Variants in CPNE5 observed in about 807,000 individuals in gnomAD.
CPNE5 encodes copine 5, also known as copine-5.
A neutral mutation model predicts 81.1 loss-of-function variants in CPNE5; 42 were observed. The ratio of observed to expected loss-of-function variants is 0.52; its 90% CI spans 0.40 to 0.67. The LOEUF is 0.67. CPNE5 is among the 30% of genes least tolerant of loss of function. The pLI, the probability that CPNE5 is intolerant of heterozygous loss-of-function variation, is 0.00. For missense variants in CPNE5, 612 were observed against 815.5 expected (o/e 0.75, Z 3.04); for synonymous variants, 313 against 321.5 (o/e 0.97, Z 0.28).
chr6:36,822,535 T>C (rs952202527), intron 2 of CPNE5, among the ~76,000 whole-genome samples: 6 of 152,030 alleles, frequency 3.9e-5, no homozygotes, highest in African/African-American at 1.5e-4. Flanking sequence ...CGGGTGGGTG[T>C]GATGGACGAC....
At chr6:36,794,145 T>C (rs1038048810) in intron 7 of CPNE5, among the ~76,000 whole-genome samples, 4 of 131,072 alleles carry the variant, frequency 3.1e-5, no homozygotes, top group African/African-American at 1.2e-4. Flanking sequence ...GAGGCGGACA[T>C]CCAGCAGCCA....
intron 14 of CPNE5, among the ~76,000 whole-genome samples, chr6:36,749,809 G>A (rs921350874): frequency 6.6e-6 from 1 of 152,200 alleles, no homozygotes; most frequent in African/African-American, 2.4e-5. Flanking sequence ...CTCCACATTT[G>A]CATGTGTTTG....
intron 1 of CPNE5, among the ~76,000 whole-genome samples, chr6:36,836,610 C>T (rs899183284): frequency 1.2e-4 from 18 of 152,230 alleles, no homozygotes; most frequent in Admixed American, 1.3e-4. Flanking sequence ...CTCCCCAGAG[C>T]CTCCTCTCCT....
intron 3 of CPNE5, among the ~76,000 whole-genome samples, chr6:36,807,269 G>A (rs1770679712): frequency 6.6e-6 from 1 of 152,158 alleles, no homozygotes. Context: ...CAGGCCTCTG[G>A]GTTCAAATTT....
chr6:36,792,325 C>A (rs1769174840), intron 7 of CPNE5: 1 of 1,525,134 alleles, frequency 6.6e-7, no homozygotes. Flanking sequence ...ACCCCCTGCT[C>A]CCCGAGAGCC....
intron 10 of CPNE5, among the ~76,000 whole-genome samples, chr6:36,771,757 T>C (rs1183224475): frequency 1.3e-5 from 2 of 151,022 alleles, no homozygotes; most frequent in Non-Finnish European, 3.0e-5. Context: ...GGCCCTCCCC[T>C]GCCTACCCTG....
At chr6:36,798,409 A>G (rs1179499598) in intron 5 of CPNE5, 46 bp downstream of exon 5, 8 of 1,600,062 alleles carry the variant, frequency 5.0e-6, no homozygotes, top group African/African-American at 2.7e-5. Flanking sequence ...AGAGGATGGC[A>G]TTTCAGAAAC....
intron 14 of CPNE5, 111 bp downstream of exon 14, chr6:36,752,923 C>T: frequency 1.2e-6 from 1 of 848,250 alleles, no homozygotes; most frequent in South Asian, 1.5e-5. Flanking sequence ...GCACCACAGC[C>T]TTCAACCAGG....
At chr6:36,834,481 C>A (rs867435019) in intron 1 of CPNE5, among the ~76,000 whole-genome samples, 6 of 151,754 alleles carry the variant, frequency 4.0e-5, no homozygotes, top group Admixed American at 1.3e-4. Flanking sequence ...CATGGTGAAA[C>A]CCCGTCTCCA....
intron 12 of CPNE5, among the ~76,000 whole-genome samples, chr6:36,758,209 G>A (rs1311561253): frequency 6.6e-6 from 1 of 152,208 alleles, no homozygotes; most frequent in Non-Finnish European, 1.5e-5. Flanking sequence ...GGAAAGGTAT[G>A]AGGATTAAAT....
intron 16 of CPNE5, 74 bp from the exon 17 acceptor site, chr6:36,745,589 C>T: frequency 6.7e-7 from 1 of 1,500,592 alleles, no homozygotes; most frequent in South Asian, 1.3e-5. Flanking sequence ...GAACTGAGTC[C>T]AGGTGGGGAG....
In CPNE5 at chr6:36,823,048, C is replaced by T; in HGVS notation, c.136+10G>A. 1 of 1,569,880 alleles carries T rather than the reference C, an allele frequency of 6.4e-7. No homozygotes were observed. Among genetic ancestry groups the T allele is most frequent in the Non-Finnish European group, 8.7e-7 (1 of 1,155,960 alleles). ...ATTGTTACCGTTCTTATTGTCAGAG[C>T]AGGACTTACGTGGGTCGGACTTGGA... On this transcript the variant is annotated intron_variant, in intron 2 of 20. Transcript: ENST00000244751.
rs574898391 is a variant in CPNE5 at position 36,811,935 on chromosome 6, C to G, written c.183+10179G>C. ...CCTGGCCAACATGGTGAAACCCCAT[C>G]TCTACGAAAAATACAAAAATTAGCT... On this transcript the variant is annotated intron_variant, in intron 3 of 20. Coordinates refer to ENST00000244751, the MANE Select transcript of CPNE5 (RefSeq NM_020939.2). Among the ~76,000 whole-genome samples, 5 of 152,240 alleles carry G rather than the reference C, an allele frequency of 3.3e-5. No homozygotes were observed. In the South Asian group the frequency reaches 1.0e-3, roughly 32 times the overall value.
chr6:36,768,225 C>CTTTTTTTCTTTCTTTTTTTTTTTT (rs527797208), intron 10 of CPNE5, among the ~76,000 whole-genome samples: 1 of 60,496 alleles, frequency 1.7e-5, no homozygotes, highest in Non-Finnish European at 3.0e-5. Flanking sequence ...ATTCACAGTT[C>CTTTTTTTCTTTCTTTTTTTTTTTT]TTTTTTTTTT....
intron 11 of CPNE5, 30 bp from the exon 12 acceptor site, chr6:36,763,022 G>T (rs1398785177): frequency 6.2e-7 from 1 of 1,602,686 alleles, no homozygotes; most frequent in South Asian, 1.1e-5. Flanking sequence ...CTGAGACCAA[G>T]GCCAGGCTGT....
chr6:36,821,214 A>C (rs1772018712), intron 3 of CPNE5, among the ~76,000 whole-genome samples: 1 of 151,712 alleles, frequency 6.6e-6, no homozygotes, highest in South Asian at 2.1e-4. Context: ...GAGCAGGTGA[A>C]AAGGCCTGGA....
chr6:36,767,845 T>A (rs1766696394), intron 10 of CPNE5, among the ~76,000 whole-genome samples: 1 of 152,240 alleles, frequency 6.6e-6, no homozygotes, highest in South Asian at 2.1e-4. Context: ...TGACCTTCTC[T>A]AGAAGACAGC....
intron 9 of CPNE5, among the ~76,000 whole-genome samples, chr6:36,775,967 T>A (rs1248395955): frequency 1.3e-5 from 2 of 152,200 alleles, no homozygotes; most frequent in Non-Finnish European, 1.5e-5. Flanking sequence ...TCCAATGAAA[T>A]TAAAGCCCCT....
chr6:36,833,251 T>C (rs373309741), intron 1 of CPNE5, among the ~76,000 whole-genome samples: 1 of 152,210 alleles, frequency 6.6e-6, no homozygotes, highest in African/African-American at 2.4e-5. Context: ...AGCCTCAATT[T>C]CCTAATCAGC....
Sources: gnomAD v4.1 joint callset for allele counts (sites outside exome capture counted in the v4.1 genomes callset) on GRCh38, gnomAD v4.1.1 for gene constraint, MANE v1.5 for transcripts, NCBI Gene and HGNC (gene_info 2026-07-23, HGNC 2026-07-21) for gene names.